Variants in CNOT6 observed in about 807,000 individuals in gnomAD.
CNOT6 encodes carbon catabolite repression 4 protein.
Under a neutral mutation model 61.2 loss-of-function variants are expected in CNOT6, and 12 were observed. The observed-to-expected ratio is 0.20, with a 90% CI of 0.13 to 0.32. CNOT6 has a LOEUF of 0.32. Among genes scored for constraint, CNOT6 ranks in the 10% least tolerant of loss-of-function variants. The probability of loss-of-function intolerance (pLI) is 1.00; values close to 1 mark genes in which losing one functional copy is unlikely to be tolerated. For synonymous variants in CNOT6, 225 were observed against 240.6 expected (o/e 0.94, Z 0.60); for missense variants, 405 against 663.9 (o/e 0.61, Z 4.28).
intron 2 of CNOT6, among the ~76,000 whole-genome samples, chr5:180,536,922 G>T (rs1314790943): frequency 6.6e-6 from 1 of 152,204 alleles, no homozygotes; most frequent in Non-Finnish European, 1.5e-5. Flanking sequence ...TGCCCAGCCA[G>T]CTTCTTTAAC....
chr5:180,553,261 A>T (rs1324658056), intron 3 of CNOT6, 125 bp from the exon 4 acceptor site: 1 of 620,616 alleles, frequency 1.6e-6, no homozygotes, highest in African/African-American at 1.8e-5. Flanking sequence ...GCAGTACTAG[A>T]CATTGAAATA....
intron 1 of CNOT6, among the ~76,000 whole-genome samples, chr5:180,521,150 C>T (rs1481329987): frequency 1.3e-5 from 2 of 151,948 alleles, no homozygotes; most frequent in Non-Finnish European, 2.9e-5. Context: ...ATTCCATCTT[C>T]CAAAAATGTG....
chr5:180,545,652 T>G (rs192170634), intron 2 of CNOT6, among the ~76,000 whole-genome samples: 13 of 152,366 alleles, frequency 8.5e-5, no homozygotes, highest in Non-Finnish European at 2.9e-5. Context: ...TTCCAATATT[T>G]GACTATTACA....
rs1761028276 is a variant in CNOT6 at position 180,576,965 on chromosome 5, A to G, written c.*2765A>G. 1 of 152,428 alleles carries G rather than the reference A, an allele frequency of 6.6e-6. No homozygotes were observed. Among genetic ancestry groups the G allele is most frequent in the South Asian group, 2.1e-4 (1 of 4,830 alleles). 9.4% of individuals were successfully genotyped at this position (152,428 alleles called of 1,614,324 possible). A position where few individuals can be genotyped will look rare whatever the true frequency, so the allele number is the denominator to read the frequency against. The stretch of plus-strand genomic sequence containing the variant: ...CATGTTTTCTGTTTTAAAGACCAGA[A>G]GTTTGAAGGCACCCAAATCCTTGTC... On this transcript the variant is annotated 3_prime_UTR_variant, in exon 12 of 12. Transcript: ENST00000261951.
chr5:180,503,535 G>C (rs1442615687), intron 1 of CNOT6, among the ~76,000 whole-genome samples: 1 of 151,222 alleles, frequency 6.6e-6, no homozygotes, highest in Non-Finnish European at 1.5e-5. Flanking sequence ...AAAGTGCTGG[G>C]ATTATAGGTG....
At chr5:180,550,177 G>T in intron 3 of CNOT6, 60 bp downstream of exon 3, 1 of 1,351,200 alleles carries the variant, frequency 7.4e-7, no homozygotes, top group South Asian at 1.2e-5. Flanking sequence ...AATATAGGCC[G>T]GGCGCAGTGG....
intron 11 of CNOT6, 119 bp from the exon 12 acceptor site, chr5:180,573,869 A>G (rs1287069245): frequency 2.9e-6 from 2 of 698,936 alleles, no homozygotes; most frequent in East Asian, 5.3e-5. Context: ...CCTACAAGCT[A>G]GTAAGTTTCA....
intron 4 of CNOT6, among the ~76,000 whole-genome samples, chr5:180,561,013 C>T (rs1057343631): frequency 5.3e-5 from 8 of 152,098 alleles, no homozygotes; most frequent in African/African-American, 1.7e-4. Flanking sequence ...TGCAGTGGCA[C>T]GATCTTGGCT....
intron 2 of CNOT6, among the ~76,000 whole-genome samples, chr5:180,542,586 T>C (rs1479869999): frequency 6.6e-6 from 1 of 152,202 alleles, no homozygotes; most frequent in Non-Finnish European, 1.5e-5. Flanking sequence ...TTTTTCTATA[T>C]CTGCAAATGC....
At chr5:180,553,026 C>G (rs1759700620) in intron 3 of CNOT6, among the ~76,000 whole-genome samples, 1 of 152,126 alleles carries the variant, frequency 6.6e-6, no homozygotes, top group Admixed American at 6.5e-5. Context: ...ACCAGTGATA[C>G]TCAGTGTGGT....
At chr5:180,512,732 G>A (rs1056891833) in intron 1 of CNOT6, among the ~76,000 whole-genome samples, 2 of 152,114 alleles carry the variant, frequency 1.3e-5, no homozygotes, top group Non-Finnish European at 2.9e-5. Flanking sequence ...GAGTAGCTGG[G>A]ATTACAGGCA....
intron 2 of CNOT6, among the ~76,000 whole-genome samples, chr5:180,543,870 GCACGATCTCAGCT>G (rs1007730929): frequency 1.3e-5 from 2 of 151,978 alleles, no homozygotes; most frequent in African/African-American, 4.8e-5. Flanking sequence ...GAGTGCAGTG[GCACGATCTCAGCT>G]CACTGCAAGC....
intron 1 of CNOT6, among the ~76,000 whole-genome samples, chr5:180,520,620 G>A (rs1297898662): frequency 2.0e-5 from 3 of 151,894 alleles, no homozygotes; most frequent in Admixed American, 1.3e-4. Context: ...CCAGCCTGGC[G>A]ACAGAGCGAG....
At chr5:180,515,479 G>A (rs1757591544) in intron 1 of CNOT6, among the ~76,000 whole-genome samples, 1 of 152,142 alleles carries the variant, frequency 6.6e-6, no homozygotes, top group Non-Finnish European at 1.5e-5. Context: ...GGTAGTAGAG[G>A]ACTTTGAGGT....
At chr5:180,557,881 A>T (rs1359729547) in intron 4 of CNOT6, among the ~76,000 whole-genome samples, 2 of 151,520 alleles carry the variant, frequency 1.3e-5, no homozygotes, top group Non-Finnish European at 3.0e-5. Context: ...GAGTTAAAAG[A>T]TGTGAGGATT....
chr5:180,508,038 C>G (rs1757209632), intron 1 of CNOT6, among the ~76,000 whole-genome samples: 1 of 152,172 alleles, frequency 6.6e-6, no homozygotes, highest in Admixed American at 6.5e-5. Context: ...AACACAGACC[C>G]AGACCATATC....
In CNOT6 at chr5:180,541,440, A is replaced by ATTTTTTTTTTTTTTT. The variant is rs1176286473; in HGVS notation, c.113-8491_113-8490insTTTTTTTTTTTTTTT. On this transcript the variant is annotated intron_variant, in intron 2 of 11. Transcript: ENST00000261951. ...CATGAACCACCACAACTGGCCAAGA[A>ATTTTTTTTTTTTTTT]ATTTTTTTTTTTTTTTTTTTTTTTT... Among the ~76,000 whole-genome samples, 11 of 102,994 alleles carry ATTTTTTTTTTTTTTT rather than the reference A, an allele frequency of 1.1e-4. 3 individuals are homozygous for ATTTTTTTTTTTTTTT. The highest frequency in any genetic ancestry group is 9.5e-4 in the South Asian group (3 of 3,158). The allele number at this position is 102,994 out of a possible 152,430, so 67.6% of individuals were successfully genotyped here.
intron 4 of CNOT6, among the ~76,000 whole-genome samples, chr5:180,560,955 T>TA (rs761264859): frequency 3.5e-4 from 11 of 31,504 alleles, no homozygotes; most frequent in Non-Finnish European, 4.3e-4. Flanking sequence ...TGTTCTTATC[T>TA]ATCTATCAAT....
At chr5:180,548,084 C>A (rs1393627282) in intron 2 of CNOT6, among the ~76,000 whole-genome samples, 1 of 152,170 alleles carries the variant, frequency 6.6e-6, no homozygotes, top group East Asian at 1.9e-4. Context: ...CAAACATAGA[C>A]ATTTTCTGCT....
Sources: gnomAD v4.1 joint callset for allele counts (sites outside exome capture counted in the v4.1 genomes callset) on GRCh38, gnomAD v4.1.1 for gene constraint, MANE v1.5 for transcripts, NCBI Gene and HGNC (gene_info 2026-07-23, HGNC 2026-07-21) for gene names.